Variants in PAFAH1B1 observed in about 807,000 individuals in gnomAD.
PAFAH1B1 encodes platelet activating factor acetylhydrolase 1b regulatory subunit 1, also known as platelet-activating factor acetylhydrolase IB subunit beta.
Under a neutral mutation model 57.5 loss-of-function variants are expected in PAFAH1B1, and 2 were observed. That is an observed-to-expected ratio of 0.03 (90% CI 0.01 to 0.11). The LOEUF (loss-of-function observed/expected upper bound fraction) is 0.11. Ranked by LOEUF, PAFAH1B1 falls within the 10% of genes least tolerant of loss-of-function variation. PAFAH1B1 has a pLI of 1.00. For missense variants in PAFAH1B1, 257 were observed against 512.0 expected, an observed-to-expected ratio of 0.50 and a Z score of 4.81; for synonymous variants, 152 against 169.6, an observed-to-expected ratio of 0.90 and a Z score of 0.81.
At chr17:2,645,677 G>A (rs1377712436) in intron 2 of PAFAH1B1, among the ~76,000 whole-genome samples, 2 of 150,070 alleles carry the variant, frequency 1.3e-5, no homozygotes, top group South Asian at 2.1e-4. Flanking sequence ...GCAGTGGCAC[G>A]ATCTCAGCTC....
At chr17:2,654,827 A>G (rs1030079501) in intron 2 of PAFAH1B1, among the ~76,000 whole-genome samples, 1 of 150,188 alleles carries the variant, frequency 6.7e-6, no homozygotes, top group African/African-American at 2.5e-5. Flanking sequence ...TTTTTTATAG[A>G]GACAGATTTT....
At chr17:2,614,590 GA>G (rs920894001) in intron 1 of PAFAH1B1, among the ~76,000 whole-genome samples, 24 of 152,200 alleles carry the variant, frequency 1.6e-4, no homozygotes, top group African/African-American at 5.8e-4. Context: ...GATTTTTAAA[GA>G]CGACTTTTAT....
intron 2 of PAFAH1B1, chr17:2,661,894 AC>A (rs1446165368): frequency 6.6e-6 from 1 of 152,180 alleles, no homozygotes; most frequent in African/African-American, 2.4e-5. Context: ...ACAAAAAAAT[AC>A]AAAAAATTAG....
intron 1 of PAFAH1B1, among the ~76,000 whole-genome samples, chr17:2,611,437 C>T (rs1387709638): frequency 1.3e-5 from 2 of 150,550 alleles, no homozygotes; most frequent in African/African-American, 4.9e-5. Context: ...CATTGCACTC[C>T]AGCCTGGGTG....
At chr17:2,664,153 T>G (rs1238428907) in intron 2 of PAFAH1B1, among the ~76,000 whole-genome samples, 1 of 152,238 alleles carries the variant, frequency 6.6e-6, no homozygotes, top group Admixed American at 6.5e-5. Context: ...TGCTGGTAAT[T>G]CCCTGTTATC....
chr17:2,658,277 T>G (rs1388448539), intron 2 of PAFAH1B1, among the ~76,000 whole-genome samples: 4 of 152,176 alleles, frequency 2.6e-5, no homozygotes, highest in Non-Finnish European at 4.4e-5. Context: ...CTTTAAGTAT[T>G]TTAGTTTTCA....
At chr17:2,625,322 A>T (rs894780290) in intron 1 of PAFAH1B1, among the ~76,000 whole-genome samples, 2 of 152,210 alleles carry the variant, frequency 1.3e-5, no homozygotes, top group African/African-American at 4.8e-5. Flanking sequence ...AGAATATTGG[A>T]ATACTGCCAA....
intron 9 of PAFAH1B1, among the ~76,000 whole-genome samples, chr17:2,677,994 C>T (rs1238284404): frequency 6.6e-6 from 1 of 152,128 alleles, no homozygotes; most frequent in East Asian, 1.9e-4. Flanking sequence ...CAGTGGCTCA[C>T]TCCTGCAATC....
At chr17:2,651,413 CAAAAA>C (rs1157501996) in intron 2 of PAFAH1B1, among the ~76,000 whole-genome samples, 3 of 53,336 alleles carry the variant, frequency 5.6e-5, no homozygotes, top group South Asian at 5.5e-4. Context: ...CCCGTCTCTA[CAAAAA>C]AAAAAAAAAA....
At chr17:2,634,706 C>A (rs1039674276) in intron 1 of PAFAH1B1, among the ~76,000 whole-genome samples, 12 of 151,800 alleles carry the variant, frequency 7.9e-5, no homozygotes, top group Non-Finnish European at 1.8e-4. Context: ...CCCTATTGGC[C>A]CTGGGATAAA....
chr17:2,626,147 G>A (rs1412813413), intron 1 of PAFAH1B1, among the ~76,000 whole-genome samples: 3 of 151,898 alleles, frequency 2.0e-5, no homozygotes, highest in Admixed American at 6.6e-5. Context: ...CCAGCTACTC[G>A]GGAGGCTGAG....
At chr17:2,677,282 T>G (rs2069285223) in intron 9 of PAFAH1B1, among the ~76,000 whole-genome samples, 1 of 152,244 alleles carries the variant, frequency 6.6e-6, no homozygotes, top group Non-Finnish European at 1.5e-5. Context: ...TTTTAACTGT[T>G]ATACCTCCTT....
chr17:2,615,091 C>G (rs1458539899), intron 1 of PAFAH1B1, among the ~76,000 whole-genome samples: 1 of 152,172 alleles, frequency 6.6e-6, no homozygotes, highest in Non-Finnish European at 1.5e-5. Context: ...ACTGAACATG[C>G]AGTTTTCCTG....
At chr17:2,656,360 G>T (rs917998798) in intron 2 of PAFAH1B1, among the ~76,000 whole-genome samples, 3 of 152,066 alleles carry the variant, frequency 2.0e-5, no homozygotes, top group African/African-American at 7.2e-5. Flanking sequence ...TGAAGCAGGA[G>T]GATCCATTGA....
Position 2,626,564 on chromosome 17 carries a change from C to CG in PAFAH1B1, c.-190-11535_-190-11534insG, listed in dbSNP as rs1567534755. On this transcript the variant is annotated intron_variant, in intron 1 of 10. Coordinates refer to ENST00000397195, the MANE Select transcript of PAFAH1B1 (RefSeq NM_000430.4). Reference sequence around the variant, plus strand: ...GGCATCACCTTTCTTCCCCCCCCCCCCCCCCCCGAGGCGGAGTCTTGTTCT... The same window carrying CG: ...GGCATCACCTTTCTTCCCCCCCCCCCGCCCCCCCGAGGCGGAGTCTTGTTCT... Among the ~76,000 whole-genome samples, 138 of 60,812 alleles carry CG rather than the reference C, an allele frequency of 2.3e-3. 1 individual carries two copies. The highest frequency in any genetic ancestry group is 6.5e-3 in the African/African-American group (127 of 19,606). 39.9% of individuals were successfully genotyped at this position (60,812 alleles called of 152,430 possible).
At chr17:2,633,918 T>A (rs2068587659) in intron 1 of PAFAH1B1, among the ~76,000 whole-genome samples, 1 of 151,862 alleles carries the variant, frequency 6.6e-6, no homozygotes, top group Non-Finnish European at 1.5e-5. Flanking sequence ...TCTTACCATC[T>A]GCTGTGGTTT....
At chr17:2,658,779 C>A (rs1267911652) in intron 2 of PAFAH1B1, among the ~76,000 whole-genome samples, 5 of 152,170 alleles carry the variant, frequency 3.3e-5, no homozygotes, top group African/African-American at 1.2e-4. Context: ...AAATCCTGAA[C>A]TACCTTTTGG....
intron 8 of PAFAH1B1, 181 bp from the exon 9 acceptor site, chr17:2,676,324 C>A: frequency 1.8e-6 from 1 of 559,186 alleles, no homozygotes; most frequent in Admixed American, 2.8e-5. Context: ...GTTGCAGTGA[C>A]CCAAGATTGC....
intron 2 of PAFAH1B1, 60 bp from the exon 3 acceptor site, chr17:2,665,312 T>C (rs905873175): frequency 8.7e-6 from 8 of 915,636 alleles, no homozygotes; most frequent in African/African-American, 8.1e-5. Flanking sequence ...AAATAAATTC[T>C]ATTTCTTCAG....
Sources: gnomAD v4.1 joint callset for allele counts (sites outside exome capture counted in the v4.1 genomes callset) on GRCh38, gnomAD v4.1.1 for gene constraint, MANE v1.5 for transcripts, NCBI Gene and HGNC (gene_info 2026-07-23, HGNC 2026-07-21) for gene names.